Variants in IFT88 observed in about 807,000 individuals in gnomAD.
IFT88 encodes intraflagellar transport 88.
In IFT88, 74 loss-of-function variants were observed where a neutral mutation model predicts 119.5. The observed-to-expected ratio is 0.62, with a 90% CI of 0.51 to 0.75. The LOEUF (loss-of-function observed/expected upper bound fraction) is 0.75, where lower values mean the gene tolerates loss of function less well. Ranked by LOEUF, IFT88 falls within the 30% of genes least tolerant of loss-of-function variation. IFT88 has a pLI of 0.00. For missense variants in IFT88, 961 were observed against 977.7 expected, an observed-to-expected ratio of 0.98 and a Z score of 0.23; for synonymous variants, 279 against 316.7, an observed-to-expected ratio of 0.88 and a Z score of 1.26.
At chr13:20,608,089 A>G (rs971808190) in intron 13 of IFT88, 2 of 497,226 alleles carry the variant, frequency 4.0e-6, no homozygotes, top group Admixed American at 5.3e-5. Flanking sequence ...CAATATCTTA[A>G]CAGACCACTT....
intron 12 of IFT88, among the ~76,000 whole-genome samples, chr13:20,604,277 A>C (rs192469407): frequency 7.9e-5 from 12 of 152,252 alleles, no homozygotes; most frequent in African/African-American, 2.4e-4. Flanking sequence ...TGTATGTGAA[A>C]GATAGTTAAG....
intron 12 of IFT88, among the ~76,000 whole-genome samples, chr13:20,604,617 A>T (rs1392408871): frequency 6.6e-6 from 1 of 152,014 alleles, no homozygotes; most frequent in African/African-American, 2.4e-5. Flanking sequence ...GGATTAATTT[A>T]CTCTCCCTTT....
intron 6 of IFT88, among the ~76,000 whole-genome samples, chr13:20,592,096 G>T (rs1477589225): frequency 6.6e-6 from 1 of 152,054 alleles, no homozygotes; most frequent in African/African-American, 2.4e-5. Context: ...TCTTATTTTT[G>T]TTTTTAAGTT....
chr13:20,675,947 C>A (rs1336027837), intron 24 of IFT88, among the ~76,000 whole-genome samples: 1 of 152,206 alleles, frequency 6.6e-6, no homozygotes, highest in Non-Finnish European at 1.5e-5. Context: ...TTGGTAATGA[C>A]AGGTGGGGCC....
Position 20,671,018 on chromosome 13 carries a change from A to C in IFT88, c.2221A>C (p.Arg741=). ...RDGSGGSRGK[R]EGSASGDSGQ... ...TGGCAGTGGGGGCTCCCGTGGCAAA[A>C]GAGAAGGAAGTGCTAGCGGTGGTAA... Residue 741 remains arginine, a synonymous_variant, in exon 24 of 26, where the codon AGA becomes CGA. Coordinates refer to ENST00000351808, the MANE Select transcript of IFT88 (RefSeq NM_006531.5). 6.2e-7 allele frequency: 1 copy of C among 1,614,036 alleles called. No homozygotes were observed. Among genetic ancestry groups the C allele is most frequent in the Non-Finnish European group, 8.5e-7 (1 of 1,179,948 alleles).
intron 24 of IFT88, among the ~76,000 whole-genome samples, chr13:20,678,959 A>C (rs2057012166): frequency 6.6e-6 from 1 of 152,198 alleles, no homozygotes; most frequent in Non-Finnish European, 1.5e-5. Flanking sequence ...AATAGCTGCT[A>C]ATCCATCTGC....
chr13:20,648,806 GGTT>G (rs2051140427), intron 20 of IFT88, among the ~76,000 whole-genome samples: 1 of 152,136 alleles, frequency 6.6e-6, no homozygotes, highest in Non-Finnish European at 1.5e-5. Context: ...ACACAAAAGA[GGTT>G]GAAAGCAAAA....
rs542506051 is a variant in IFT88, at chr13:20,597,376, G to A, written c.594+257G>A. Among the ~76,000 whole-genome samples the A allele has an allele frequency of 2.0e-5, 3 of 152,222 alleles. No individual in the cohort carries two copies. In the East Asian group the frequency reaches 5.8e-4, roughly 29 times the overall value. On this transcript the variant is annotated intron_variant, in intron 9 of 25. Transcript: ENST00000351808. ...AATCCTAACACCTTGGGAGGTCAAG[G>A]TGGGAGGATTACTGAGTGAGCTCAG...
intron 13 of IFT88, among the ~76,000 whole-genome samples, chr13:20,608,798 T>C (rs899353398): frequency 2.6e-5 from 4 of 152,198 alleles, no homozygotes; most frequent in Non-Finnish European, 4.4e-5. Context: ...GCAATTAGCA[T>C]CCAATTCTTG....
intron 24 of IFT88, among the ~76,000 whole-genome samples, chr13:20,679,741 G>T (rs577028480): frequency 6.6e-6 from 1 of 152,142 alleles, no homozygotes; most frequent in Non-Finnish European, 1.5e-5. Context: ...GATTATATTG[G>T]GTTGGCTTAG....
At chr13:20,645,089 TTTGTTTG>T in intron 20 of IFT88, 131 bp downstream of exon 20, 1 of 520,928 alleles carries the variant, frequency 1.9e-6, no homozygotes, top group South Asian at 3.0e-5. Flanking sequence ...ATTATTTTTG[TTTGTTTG>T]TTGTTTGTTT....
At position 20,638,120 on chromosome 13, in the gene IFT88, CTG is replaced by C. The variant is rs374836141; in HGVS notation, c.1387-209_1387-208del. 7.6e-4 allele frequency among the ~76,000 whole-genome samples: 116 copies of C among 152,280 alleles called. 2 individuals carry two copies. In the South Asian group the frequency reaches 0.02, roughly 27 times the overall value. ...TAGTGTTGTTATTCTAACCATGAGA[CTG>C]TGGAGAAGTCAATCACAAGAAACTT... On this transcript the variant is annotated intron_variant, in intron 16 of 25. Transcript: ENST00000351808.
At chr13:20,684,732 G>C (rs1389093918) in intron 24 of IFT88, among the ~76,000 whole-genome samples, 1 of 152,156 alleles carries the variant, frequency 6.6e-6, no homozygotes, top group Non-Finnish European at 1.5e-5. Context: ...CTCAAGCCTC[G>C]TGCCTGCTCG....
intron 14 of IFT88, among the ~76,000 whole-genome samples, chr13:20,618,481 G>C (rs2045990251): frequency 6.6e-6 from 1 of 152,138 alleles, no homozygotes. Context: ...CAGGCTGCGT[G>C]GTAGACTAGT....
chr13:20,595,349 C>T (rs770097026), intron 7 of IFT88, among the ~76,000 whole-genome samples: 2 of 151,534 alleles, frequency 1.3e-5, no homozygotes, highest in Admixed American at 6.6e-5. Flanking sequence ...AGTGCAGTGG[C>T]GCAATATCAC....
chr13:20,573,511 T>C (rs1051520752), intron 1 of IFT88, among the ~76,000 whole-genome samples: 1 of 152,232 alleles, frequency 6.6e-6, no homozygotes, highest in African/African-American at 2.4e-5. Flanking sequence ...AACATTCTTA[T>C]ACAAATCTTT....
intron 12 of IFT88, among the ~76,000 whole-genome samples, chr13:20,603,924 G>T (rs2043005110): frequency 6.6e-6 from 1 of 151,400 alleles, no homozygotes; most frequent in Admixed American, 6.6e-5. Context: ...AGCCAGCCTG[G>T]TGGTGTGCAC....
chr13:20,685,145 G>T (rs1274717574), intron 24 of IFT88, among the ~76,000 whole-genome samples: 1 of 152,220 alleles, frequency 6.6e-6, no homozygotes, highest in Non-Finnish European at 1.5e-5. Flanking sequence ...TTTTAGCGAG[G>T]AGCAGAGAAA....
chr13:20,641,995 C>T (rs1444704841), intron 18 of IFT88: 1 of 152,088 alleles, frequency 6.6e-6, no homozygotes, highest in Non-Finnish European at 1.5e-5. Flanking sequence ...CAAAATGTTG[C>T]GCTAATATCA....
Sources: gnomAD v4.1 joint callset for allele counts (sites outside exome capture counted in the v4.1 genomes callset) on GRCh38, gnomAD v4.1.1 for gene constraint, MANE v1.5 for transcripts, NCBI Gene and HGNC (gene_info 2026-07-23, HGNC 2026-07-21) for gene names.